Variants in PCDH15 observed in about 807,000 individuals in gnomAD.
PCDH15 encodes protocadherin related 15.
PCDH15 carries 129 observed loss-of-function variants against 178.5 expected under a neutral mutation model. That is an observed-to-expected ratio of 0.72 (90% confidence interval 0.63 to 0.84). The LOEUF (loss-of-function observed/expected upper bound fraction) is 0.84, where lower values mean the gene tolerates loss of function less well. Among genes scored for constraint, PCDH15 ranks in the 40% least tolerant of loss-of-function variants. The probability of loss-of-function intolerance (pLI) is 0.00; values close to 1 mark genes in which losing one functional copy is unlikely to be tolerated. For synonymous variants in PCDH15, 800 were observed against 732.0 expected (o/e 1.09, Z -1.50); for missense variants, 2,230 against 2,099.9 (o/e 1.06, Z -1.21).
intron 3 of PCDH15, among the ~76,000 whole-genome samples, chr10:54,822,770 C>T (rs998150058): frequency 6.6e-6 from 1 of 152,034 alleles, no homozygotes; most frequent in African/African-American, 2.4e-5. Context: ...ACTTCCCTTC[C>T]TTTACATCAT....
chr10:55,522,202 A>G (rs2132166296), intron 2 of PCDH15, among the ~76,000 whole-genome samples: 1 of 152,058 alleles, frequency 6.6e-6, no homozygotes, highest in East Asian at 1.9e-4. Context: ...AACCTTTGCA[A>G]ACATTTGTTA....
intron 1 of PCDH15, among the ~76,000 whole-genome samples, chr10:54,724,408 A>G (rs367595828): frequency 7.9e-5 from 12 of 151,792 alleles, no homozygotes; most frequent in African/African-American, 1.7e-4. Context: ...TTGAGGGTTG[A>G]AAATTACCTA....
At chr10:55,241,712 C>A (rs1264455295) in intron 1 of PCDH15, among the ~76,000 whole-genome samples, 3 of 152,148 alleles carry the variant, frequency 2.0e-5, no homozygotes, top group Non-Finnish European at 4.4e-5. Flanking sequence ...TATGAGCCAC[C>A]ACGCCCAGCC....
At chr10:54,462,521 T>TTC (rs2077249538) in intron 3 of PCDH15, among the ~76,000 whole-genome samples, 1 of 127,240 alleles carries the variant, frequency 7.9e-6, no homozygotes, top group Non-Finnish European at 1.6e-5. Flanking sequence ...TCTTTTTTTT[T>TTC]TTTTTTTTTT....
intron 20 of PCDH15, among the ~76,000 whole-genome samples, chr10:54,001,436 G>C (rs1431447726): frequency 6.6e-6 from 1 of 151,950 alleles, no homozygotes; most frequent in Non-Finnish European, 1.5e-5. Flanking sequence ...AAAGCATGGA[G>C]ATGAAGTATA....
At chr10:54,297,290 C>G (rs1304787308) in intron 8 of PCDH15, among the ~76,000 whole-genome samples, 2 of 152,102 alleles carry the variant, frequency 1.3e-5, no homozygotes, top group Admixed American at 6.5e-5. Flanking sequence ...GACCCGCAAA[C>G]CCTGAAAGAA....
chr10:54,755,747 T>C lies in PCDH15; in HGVS notation c.-29+45178A>G, dbSNP rs559475379. On this transcript the variant is annotated intron_variant, in intron 1 of 37. Transcript: ENST00000644397. ...CAGTTAAATTAGTTACATAATCTAC[T>C]GTATAAGATTAATAAAAATGAACTA... 3.3e-5 allele frequency among the ~76,000 whole-genome samples: 5 copies of C among 152,246 alleles called. No homozygotes were observed. The South Asian group carries it at 8.3e-4, about 25-fold the overall frequency.
intron 2 of PCDH15, among the ~76,000 whole-genome samples, chr10:54,604,317 A>G (rs2092659792): frequency 3.3e-5 from 5 of 151,910 alleles, no homozygotes; most frequent in Admixed American, 2.6e-4. Flanking sequence ...TTGTTCAAGT[A>G]AGCTGTTTTC....
chr10:53,853,191 T>C (rs997108300), intron 28 of PCDH15, among the ~76,000 whole-genome samples: 3 of 151,146 alleles, frequency 2.0e-5, no homozygotes, highest in African/African-American at 7.3e-5. Flanking sequence ...AAACAACTAG[T>C]ATTGAAAAAA....
At chr10:55,000,211 C>T (rs1414828441) in intron 2 of PCDH15, among the ~76,000 whole-genome samples, 2 of 152,232 alleles carry the variant, frequency 1.3e-5, no homozygotes, top group South Asian at 2.1e-4. Flanking sequence ...TATTTCATCC[C>T]TACAGCTTCG....
chr10:55,042,431 T>C (rs1840887466), intron 2 of PCDH15, among the ~76,000 whole-genome samples: 1 of 152,200 alleles, frequency 6.6e-6, no homozygotes, highest in South Asian at 2.1e-4. Context: ...GTATACAGCA[T>C]ATAGTGAGAT....
chr10:55,258,594 T>C (rs1301196194), intron 1 of PCDH15, among the ~76,000 whole-genome samples: 1 of 152,096 alleles, frequency 6.6e-6, no homozygotes, highest in African/African-American at 2.4e-5. Flanking sequence ...CAGACCCATA[T>C]GGAAGATTCA....
chr10:54,466,817 G>C (rs1158476751), intron 3 of PCDH15, among the ~76,000 whole-genome samples: 5 of 151,888 alleles, frequency 3.3e-5, no homozygotes, highest in Non-Finnish European at 7.4e-5. Flanking sequence ...CCATTTGTTT[G>C]TGTCCTCTTC....
chr10:54,745,226 G>C (rs1037364274), intron 1 of PCDH15, among the ~76,000 whole-genome samples: 5 of 152,118 alleles, frequency 3.3e-5, no homozygotes, highest in Non-Finnish European at 7.4e-5. Flanking sequence ...TGATTACTCT[G>C]AGTACCTACC....
rs570969431 is a variant in PCDH15, at chr10:54,673,087, T to C, written c.-28-8797A>G. Among the ~76,000 whole-genome samples, 3 of 152,012 alleles carry C rather than the reference T, an allele frequency of 2.0e-5. No homozygotes were observed. In the South Asian group the frequency reaches 6.2e-4, roughly 32 times the overall value. The stretch of plus-strand genomic sequence containing the variant: ...TAAAGCATGTCATTTAAAAAAAAAA[T>C]TAAATTAAAGTTCTGGGATACATGT... On this transcript the variant is annotated intron_variant, in intron 1 of 37. Coordinates refer to ENST00000644397, the MANE Select transcript of PCDH15 (RefSeq NM_001384140.1).
intron 2 of PCDH15, among the ~76,000 whole-genome samples, chr10:54,990,465 T>C (rs996975764): frequency 6.6e-6 from 1 of 152,230 alleles, no homozygotes; most frequent in Admixed American, 6.5e-5. Flanking sequence ...CTCATCTATC[T>C]AGTTATAAAT....
chr10:55,356,204 T>G (rs1463656745), intron 2 of PCDH15, among the ~76,000 whole-genome samples: 2 of 148,770 alleles, frequency 1.3e-5, no homozygotes, highest in African/African-American at 5.0e-5. Flanking sequence ...ATAAAAAAAT[T>G]GAAAACTAAT....
Position 54,664,306 on chromosome 10 carries a change from G to A in PCDH15, c.-28-16C>T, listed in dbSNP as rs2094536555. 5.4e-6 allele frequency: 8 copies of A among 1,481,580 alleles called. No individual in the cohort carries two copies. Among genetic ancestry groups the A allele is most frequent in the Non-Finnish European group, 7.5e-6 (8 of 1,067,840 alleles). 91.8% of individuals were successfully genotyped at this position (1,481,580 alleles called of 1,614,324 possible). Reference sequence around the variant, plus strand: ...CAAAGCTGATCTGAAATAAGAAAAGGTAGAAAGAAACATTTGACATGTTCA... The same window carrying A: ...CAAAGCTGATCTGAAATAAGAAAAGATAGAAAGAAACATTTGACATGTTCA... On this transcript the variant is annotated splice_polypyrimidine_tract_variant and intron_variant, in intron 1 of 37. Coordinates refer to ENST00000644397, the MANE Select transcript of PCDH15 (RefSeq NM_001384140.1).
At chr10:54,332,333 T>C (rs1966744) in intron 6 of PCDH15, among the ~76,000 whole-genome samples, 74 of 93,524 alleles carry the variant, frequency 7.9e-4, no homozygotes, top group African/African-American at 3.5e-3. Flanking sequence ...ATCTATATTA[T>C]ATATTATTAT....
Sources: allele counts gnomAD v4.1 joint callset (sites outside exome capture counted in the v4.1 genomes callset), GRCh38; gene constraint gnomAD v4.1.1; transcripts MANE v1.5; gene names NCBI Gene and HGNC (gene_info 2026-07-23, HGNC 2026-07-21).